Variants in PPARA observed in about 807,000 individuals in gnomAD.
The protein encoded by PPARA is peroxisome proliferator-activated receptor alpha.
In PPARA, 22 loss-of-function variants were observed where a neutral mutation model predicts 42.2. The ratio of observed to expected loss-of-function variants is 0.52; its 90% confidence interval spans 0.37 to 0.74. The LOEUF (loss-of-function observed/expected upper bound fraction) is 0.74. Ranked by LOEUF, PPARA falls within the 30% of genes least tolerant of loss-of-function variation. The pLI, the probability that PPARA is intolerant of heterozygous loss-of-function variation, is 0.00. For missense variants in PPARA, 465 were observed against 608.2 expected (o/e 0.76, Z 2.48); for synonymous variants, 242 against 239.3 (o/e 1.01, Z -0.10).
Position 46,173,816 on chromosome 22 carries a change from G to A in PPARA, c.-126-2937G>A, listed in dbSNP as rs1436742837. Among the ~76,000 whole-genome samples the A allele has an allele frequency of 2.0e-5, 3 of 152,156 alleles. No homozygotes were observed. Among genetic ancestry groups the A allele is most frequent in the African/African-American group, 4.8e-5 (2 of 41,432 alleles). On this transcript the variant is annotated intron_variant, in intron 2 of 8. Transcript: ENST00000407236. This position sits in a 1 kb window ranked among gnomAD's most constrained non-coding sequence, Gnocchi z 4.3. ...GAGCACACTGCCATTCTTAGCAAACGTGTAGTTTAGTATTTAGGAGAAAGG... is the reference window on the plus strand; with the variant it reads ...GAGCACACTGCCATTCTTAGCAAACATGTAGTTTAGTATTTAGGAGAAAGG...
In PPARA at chr22:46,216,662, T is replaced by G. The variant is rs1280267698; in HGVS notation, c.369+1329T>G. 2.0e-5 allele frequency among the ~76,000 whole-genome samples: 3 copies of G among 152,150 alleles called. No homozygotes were observed. Among genetic ancestry groups the G allele is most frequent in the Non-Finnish European group, 4.4e-5 (3 of 68,030 alleles). ...CACATCAGGGGCTTCTCCACCTGAT[T>G]CAAGCGACAGGAACCCCCTGTGCAT... On this transcript the variant is annotated intron_variant, in intron 5 of 8. Coordinates refer to ENST00000407236, the MANE Select transcript of PPARA (RefSeq NM_005036.6). This position sits in a 1 kb window ranked among gnomAD's most constrained non-coding sequence, Gnocchi z 4.5.
At position 46,234,915 on chromosome 22, in the gene PPARA, A is replaced by C. The variant is rs762315487; in HGVS notation, c.1160-218A>C. On this transcript the variant is annotated intron_variant, in intron 8 of 8. Transcript: ENST00000407236. The surrounding 1 kb of genome is among the most constrained non-coding windows in gnomAD (Gnocchi z 5.8). ...GCACTATTGCCGCCTAGTAGTATGAATATTTAGGAAAGAGTACTGGTCCTG... is the reference window on the plus strand; with the variant it reads ...GCACTATTGCCGCCTAGTAGTATGACTATTTAGGAAAGAGTACTGGTCCTG... 3.3e-5 allele frequency among the ~76,000 whole-genome samples: 5 copies of C among 152,186 alleles called. No homozygotes were observed. The highest frequency in any genetic ancestry group is 6.5e-5 in the Admixed American group (1 of 15,272).
intron 4 of PPARA, among the ~76,000 whole-genome samples, chr22:46,207,740 C>CT (rs915560908): frequency 2.0e-4 from 25 of 123,838 alleles, no homozygotes; most frequent in Non-Finnish European, 9.5e-5. Flanking sequence ...CTGGAGTGTG[C>CT]TAGTGCCATC....
intron 5 of PPARA, among the ~76,000 whole-genome samples, chr22:46,215,754 AAG>A (rs1406714397): frequency 6.6e-6 from 1 of 152,024 alleles, no homozygotes; most frequent in Non-Finnish European, 1.5e-5. Context: ...AAAAAAAAGA[AAG>A]AAAAAAAGAA....
rs2147102419 is a variant in PPARA, at chr22:46,156,213, T to C, written c.-127+4243T>C. On this transcript the variant is annotated intron_variant, in intron 2 of 8. Coordinates refer to ENST00000407236, the MANE Select transcript of PPARA (RefSeq NM_005036.6). The surrounding 1 kb of genome is among the most constrained non-coding windows in gnomAD (Gnocchi z 5.2). Reference sequence around the variant, plus strand: ...GGAAAAGGTATTAGGTCATTAATCATGAGATTTGGATTCTAGCCCCTTAGC... The same window carrying C: ...GGAAAAGGTATTAGGTCATTAATCACGAGATTTGGATTCTAGCCCCTTAGC... 1 of 152,292 alleles carries C rather than the reference T, an allele frequency of 6.6e-6. No individual in the cohort carries two copies. The highest frequency in any genetic ancestry group is 1.9e-4 in the East Asian group (1 of 5,174). 9.4% of individuals were successfully genotyped at this position (152,292 alleles called of 1,614,324 possible). A position where few individuals can be genotyped will look rare whatever the true frequency, so the allele number is the denominator to read the frequency against.
At chr22:46,209,935 G>C (rs190586345) in intron 4 of PPARA, among the ~76,000 whole-genome samples, 2 of 151,990 alleles carry the variant, frequency 1.3e-5, no homozygotes, top group Non-Finnish European at 2.9e-5. Flanking sequence ...TTGAAGAGAC[G>C]GGTCTCACTT....
Position 46,229,091 on chromosome 22 carries a change from A to C in PPARA, c.712-2701A>C, listed in dbSNP as rs547485565. The stretch of plus-strand genomic sequence containing the variant: ...CACTGCACTCCAGCCTGGGCAACAG[A>C]GCGAGACTCCATCTCAAAAAAAAAA... On this transcript the variant is annotated intron_variant, in intron 7 of 8. Transcript: ENST00000407236. Among the ~76,000 whole-genome samples the C allele has an allele frequency of 2.7e-5, 4 of 148,686 alleles. No homozygotes were observed. The South Asian group carries it at 8.4e-4, about 31-fold the overall frequency.
chr22:46,224,980 G>T lies in PPARA; in HGVS notation c.711+4966G>T, dbSNP rs1398533047. On this transcript the variant is annotated intron_variant, in intron 7 of 8. Coordinates refer to ENST00000407236, the MANE Select transcript of PPARA (RefSeq NM_005036.6). This position sits in a 1 kb window ranked among gnomAD's most constrained non-coding sequence, Gnocchi z 5.7. Reference sequence around the variant, plus strand: ...GAACAGGCTAGAATGCTGGGGGGGGGCCTGAAACCGGTGGGGGAGTTGTGG... The same window carrying T: ...GAACAGGCTAGAATGCTGGGGGGGGTCCTGAAACCGGTGGGGGAGTTGTGG... 7.4e-6 allele frequency among the ~76,000 whole-genome samples: 1 copy of T among 135,428 alleles called. No individual in the cohort carries two copies. The highest frequency in any genetic ancestry group is 2.6e-5 in the African/African-American group (1 of 37,844). The allele number at this position is 135,428 out of a possible 152,430, so 88.8% of individuals were successfully genotyped here. A position where few individuals can be genotyped will look rare whatever the true frequency, so the allele number is the denominator to read the frequency against.
intron 3 of PPARA, among the ~76,000 whole-genome samples, chr22:46,177,037 T>G (rs4253668): frequency 3.9e-5 from 6 of 152,024 alleles, no homozygotes; most frequent in Non-Finnish European, 8.8e-5. Context: ...AGTGAAACCC[T>G]GTCTCTACTA....
In PPARA at chr22:46,182,996, C is replaced by T. The variant is rs1028210294; in HGVS notation, c.-43+6160C>T. Reference sequence around the variant, plus strand: ...CTGACCTCAGGTGATCCACCCACCTCGGCCTCCCAAAGTGTTGGGATTATA... The same window carrying T: ...CTGACCTCAGGTGATCCACCCACCTTGGCCTCCCAAAGTGTTGGGATTATA... On this transcript the variant is annotated intron_variant, in intron 3 of 8. Transcript: ENST00000407236. This position sits in a 1 kb window ranked among gnomAD's most constrained non-coding sequence, Gnocchi z 5.2. Among the ~76,000 whole-genome samples the T allele has an allele frequency of 5.9e-5, 9 of 152,264 alleles. No individual in the cohort carries two copies. The East Asian group carries it at 1.2e-3, about 20-fold the overall frequency.
intron 5 of PPARA, among the ~76,000 whole-genome samples, chr22:46,215,603 G>A (rs768011084): frequency 7.9e-5 from 12 of 151,948 alleles, no homozygotes; most frequent in South Asian, 2.1e-4. Context: ...TTAGCCAGGC[G>A]TGGTGGTGGG....
chr22:46,160,659 G>A lies in PPARA; in HGVS notation c.-127+8689G>A, dbSNP rs1426757788. Among the ~76,000 whole-genome samples, 2 of 152,122 alleles carry A rather than the reference G, an allele frequency of 1.3e-5. No homozygotes were observed. The highest frequency in any genetic ancestry group is 2.1e-4 in the South Asian group (1 of 4,826). On this transcript the variant is annotated intron_variant, in intron 2 of 8. Coordinates refer to ENST00000407236, the MANE Select transcript of PPARA (RefSeq NM_005036.6). The surrounding 1 kb of genome is among the most constrained non-coding windows in gnomAD (Gnocchi z 4.5). ...CTCTGTCACCAGGCTGGAGTGCAGT[G>A]GTGTGATCTCAGCTCACTGCAACCT... is the stretch of plus-strand genomic sequence containing the variant.
At position 46,225,827 on chromosome 22, in the gene PPARA, G is replaced by A. The variant is rs534894634; in HGVS notation, c.711+5813G>A. On this transcript the variant is annotated intron_variant, in intron 7 of 8. Coordinates refer to ENST00000407236, the MANE Select transcript of PPARA (RefSeq NM_005036.6). The surrounding 1 kb of genome is among the most constrained non-coding windows in gnomAD (Gnocchi z 4.1). ...CGTGCACCCACACATGCACACAGACGCACCTCCACCCCCACACACGCACAC... is the reference window on the plus strand; with the variant it reads ...CGTGCACCCACACATGCACACAGACACACCTCCACCCCCACACACGCACAC... Among the ~76,000 whole-genome samples, 8 of 145,342 alleles carry A rather than the reference G, an allele frequency of 5.5e-5. No individual in the cohort carries two copies. In the East Asian group the frequency reaches 1.2e-3, roughly 23 times the overall value.
intron 2 of PPARA, among the ~76,000 whole-genome samples, chr22:46,168,296 G>A (rs776341657): frequency 6.4e-5 from 8 of 125,774 alleles, no homozygotes; most frequent in Non-Finnish European, 1.1e-4. Flanking sequence ...AGCTTGCAGT[G>A]AGCCAAGATC....
rs755518055 is a variant in PPARA, at chr22:46,198,409, G to T, written c.26G>T (p.Cys9Phe). 5.0e-6 allele frequency: 8 copies of T among 1,613,716 alleles called. No homozygotes were observed. In the Admixed American group the frequency reaches 1.3e-4, roughly 27 times the overall value. The change falls in exon 4 of 9, where the codon TGC becomes TTC. Residue 9 changes from cysteine to phenylalanine, a missense_variant. By Grantham distance (205) the Cys-to-Phe change is radical (BLOSUM62 -2). Transcript: ENST00000407236. Reference sequence around the variant, plus strand: ...ATGGTGGACACGGAAAGCCCACTCTGCCCCCTCTCCCCACTCGAGGCCGGC... The same window carrying T: ...ATGGTGGACACGGAAAGCCCACTCTTCCCCCTCTCCCCACTCGAGGCCGGC... Reference protein sequence around the residue: MVDTESPLCPLSPLEAGDL... With the variant: MVDTESPLFPLSPLEAGDL...
chr22:46,232,326 C>T lies in PPARA; in HGVS notation c.1159+87C>T. The T allele has an allele frequency of 7.2e-7, 1 of 1,388,510 alleles. No homozygotes were observed. Among genetic ancestry groups the T allele is most frequent in the Non-Finnish European group, 1.0e-6 (1 of 979,024 alleles). 86.0% of individuals were successfully genotyped at this position (1,388,510 alleles called of 1,614,324 possible). On this transcript the variant is annotated intron_variant, in intron 8 of 8. Coordinates refer to ENST00000407236, the MANE Select transcript of PPARA (RefSeq NM_005036.6). This position sits in a 1 kb window ranked among gnomAD's most constrained non-coding sequence, Gnocchi z 5.3. ...TGACAATGGGAAATCCAGTACCAGC[C>T]TGAGCTGTTCCAGTGGAGGGGACAC...
rs944229772 is a variant in PPARA, at chr22:46,241,245, C to A, written c.*5865C>A. Reference sequence around the variant, plus strand: ...TAGATATTTTCAGGCACCATTTTGACAGCATTCAGGAAAACGGTTATTGAC... The same window carrying A: ...TAGATATTTTCAGGCACCATTTTGAAAGCATTCAGGAAAACGGTTATTGAC... On this transcript the variant is annotated 3_prime_UTR_variant, in exon 9 of 9. Transcript: ENST00000407236. The surrounding 1 kb of genome is among the most constrained non-coding windows in gnomAD (Gnocchi z 5.7). The A allele has an allele frequency of 6.6e-6, 1 of 152,188 alleles. No individual in the cohort carries two copies. The highest frequency in any genetic ancestry group is 2.4e-5 in the African/African-American group (1 of 41,434). 9.4% of individuals were successfully genotyped at this position (152,188 alleles called of 1,614,324 possible). A position where few individuals can be genotyped will look rare whatever the true frequency, so the allele number is the denominator to read the frequency against.
chr22:46,176,368 C>G (rs762460538), intron 2 of PPARA, among the ~76,000 whole-genome samples: 90 of 151,852 alleles, frequency 5.9e-4, no homozygotes, highest in Non-Finnish European at 9.1e-4. Flanking sequence ...TGCCTGCAAT[C>G]CCAGCTACTT....
In PPARA at chr22:46,240,522, C is replaced by A. The variant is rs1405765140; in HGVS notation, c.*5142C>A. 1 of 344,088 alleles carries A rather than the reference C, an allele frequency of 2.9e-6. No homozygotes were observed. The highest frequency in any genetic ancestry group is 5.2e-6 in the Non-Finnish European group (1 of 192,176). The allele number at this position is 344,088 out of a possible 1,614,324, so 21.3% of individuals were successfully genotyped here. On this transcript the variant is annotated 3_prime_UTR_variant, in exon 9 of 9. Transcript: ENST00000407236. The surrounding 1 kb of genome is among the most constrained non-coding windows in gnomAD (Gnocchi z 6.0). ...CTGATGCAGGGATCCCGAGGGATTACTTTTTAGACCTTCTTTCACATTCAG... is the reference window on the plus strand; with the variant it reads ...CTGATGCAGGGATCCCGAGGGATTAATTTTTAGACCTTCTTTCACATTCAG...
Sources: allele counts gnomAD v4.1 joint callset (sites outside exome capture counted in the v4.1 genomes callset), GRCh38; gene constraint gnomAD v4.1.1; non-coding constraint Gnocchi (gnomAD v3.1); transcripts MANE v1.5; gene names NCBI Gene and HGNC (gene_info 2026-07-23, HGNC 2026-07-21).